OPCML: variants seen among roughly 807,000 people sequenced by gnomAD.
OPCML encodes opioid-binding protein/cell adhesion molecule.
Under a neutral mutation model 37.8 loss-of-function variants are expected in OPCML, and 13 were observed. That is an observed-to-expected ratio of 0.34 (90% CI 0.22 to 0.55). The LOEUF (loss-of-function observed/expected upper bound fraction) is 0.55, where lower values mean the gene tolerates loss of function less well. OPCML is among the 20% of genes least tolerant of loss of function. OPCML has a pLI of 0.91. For synonymous variants in OPCML, 176 were observed against 168.8 expected (o/e 1.04, Z -0.33); for missense variants, 341 against 435.6 (o/e 0.78, Z 1.93).
At chr11:133,291,888 T>TGG (rs1447774710) in intron 1 of OPCML, among the ~76,000 whole-genome samples, 1 of 152,236 alleles carries the variant, frequency 6.6e-6, no homozygotes, top group Non-Finnish European at 1.5e-5. Context: ...CCAGGGCCTG[T>TGG]GGCCGGCTTG....
intron 1 of OPCML, among the ~76,000 whole-genome samples, chr11:133,454,679 C>G (rs192547259): frequency 6.6e-6 from 1 of 152,166 alleles, no homozygotes. Context: ...GGGAAATAAG[C>G]AAATTATTAG....
intron 1 of OPCML, among the ~76,000 whole-genome samples, chr11:132,970,960 C>A (rs776640062): frequency 1.6e-4 from 24 of 152,226 alleles, no homozygotes; most frequent in Admixed American, 9.8e-4. Context: ...GCATTGTTTT[C>A]CTGGTGTTCT....
intron 7 of OPCML, 99 bp downstream of exon 7, chr11:132,435,987 G>T: frequency 1.6e-6 from 2 of 1,265,928 alleles, no homozygotes; most frequent in Non-Finnish European, 2.2e-6. Flanking sequence ...GAGTAGGATG[G>T]ATGGACACAG....
chr11:133,009,988 G>A (rs1162847959), intron 1 of OPCML, among the ~76,000 whole-genome samples: 1 of 152,176 alleles, frequency 6.6e-6, no homozygotes, highest in African/African-American at 2.4e-5. Flanking sequence ...GTTATTTGAG[G>A]AACCCTTGAA....
intron 2 of OPCML, among the ~76,000 whole-genome samples, chr11:132,698,833 C>A (rs1943700503): frequency 6.6e-6 from 1 of 151,916 alleles, no homozygotes; most frequent in South Asian, 2.1e-4. Context: ...CAAGTTCATT[C>A]TTCTGCATGT....
intron 1 of OPCML, among the ~76,000 whole-genome samples, chr11:133,061,067 T>C (rs1169196727): frequency 6.6e-6 from 1 of 152,244 alleles, no homozygotes; most frequent in Non-Finnish European, 1.5e-5. Flanking sequence ...AGTGTCCCTA[T>C]GTTGCTCAGG....
intron 2 of OPCML, among the ~76,000 whole-genome samples, chr11:132,815,864 C>A (rs1010400438): frequency 6.6e-6 from 1 of 152,202 alleles, no homozygotes; most frequent in African/African-American, 2.4e-5. Context: ...AAGAATGCAA[C>A]AGACACAGAT....
At chr11:133,196,040 A>G (rs1318167377) in intron 1 of OPCML, among the ~76,000 whole-genome samples, 1 of 152,222 alleles carries the variant, frequency 6.6e-6, no homozygotes, top group African/African-American at 2.4e-5. Flanking sequence ...CCTTTGCAAG[A>G]AACTTTAGTT....
At chr11:132,731,271 C>T (rs2136009985) in intron 2 of OPCML, among the ~76,000 whole-genome samples, 1 of 152,282 alleles carries the variant, frequency 6.6e-6, no homozygotes. Context: ...CCAAGAAAGT[C>T]AGGACAATGA....
At chr11:132,780,539 G>A (rs1427082193) in intron 2 of OPCML, among the ~76,000 whole-genome samples, 1 of 152,198 alleles carries the variant, frequency 6.6e-6, no homozygotes, top group Non-Finnish European at 1.5e-5. Context: ...GCAGATGGCA[G>A]GAAAGATACC....
chr11:133,331,348 C>T (rs1943615383), intron 1 of OPCML, among the ~76,000 whole-genome samples: 1 of 152,156 alleles, frequency 6.6e-6, no homozygotes, highest in Admixed American at 6.5e-5. Context: ...ATCAATCATG[C>T]AATGTAGGCT....
intron 1 of OPCML, among the ~76,000 whole-genome samples, chr11:133,445,504 C>T (rs557267763): frequency 1.7e-3 from 253 of 152,268 alleles, no homozygotes; most frequent in Middle Eastern, 3.4e-3. Context: ...ACCCAGGCAA[C>T]GTGTTTCCTG....
intron 3 of OPCML, among the ~76,000 whole-genome samples, chr11:132,594,320 G>C (rs10791237): frequency 0.45 from 68,982 of 151,918 alleles, 15,987 homozygotes; most frequent in Non-Finnish European, 0.5. Context: ...ATAATAACAT[G>C]CAGTCCTGGA....
At chr11:133,276,163 C>A (rs1941987918) in intron 1 of OPCML, among the ~76,000 whole-genome samples, 2 of 152,036 alleles carry the variant, frequency 1.3e-5, no homozygotes, top group African/African-American at 4.8e-5. Context: ...TTATTAGTGG[C>A]AAAGAGGGAA....
intron 2 of OPCML, among the ~76,000 whole-genome samples, chr11:132,700,866 C>T (rs114164581): frequency 0.011 from 1,729 of 152,170 alleles, 24 homozygotes; most frequent in African/African-American, 0.038. Context: ...ATCTATCTAT[C>T]GTTGAAAATA....
chr11:132,928,063 A>G (rs550598739), intron 2 of OPCML, among the ~76,000 whole-genome samples: 1 of 152,112 alleles, frequency 6.6e-6, no homozygotes, highest in South Asian at 2.1e-4. Flanking sequence ...AATGAGGGAC[A>G]AAAAAACTAT....
intron 2 of OPCML, among the ~76,000 whole-genome samples, chr11:132,704,099 A>G (rs1943940112): frequency 6.6e-6 from 1 of 152,140 alleles, no homozygotes; most frequent in African/African-American, 2.4e-5. Context: ...TTGAAGCCAC[A>G]TGGACTAGTG....
chr11:133,410,650 A>G (rs1945630206), intron 1 of OPCML, among the ~76,000 whole-genome samples: 3 of 90,434 alleles, frequency 3.3e-5, no homozygotes, highest in African/African-American at 9.8e-5. Context: ...AAAAAAAAAA[A>G]AAAAAAAAAA....
intron 1 of OPCML, among the ~76,000 whole-genome samples, chr11:133,463,430 A>G (rs1425220443): frequency 6.6e-6 from 1 of 152,182 alleles, no homozygotes; most frequent in Non-Finnish European, 1.5e-5. Context: ...ACAATTAAAA[A>G]TGGTTATTTT....
Sources: gnomAD v4.1 joint callset for allele counts (sites outside exome capture counted in the v4.1 genomes callset) on GRCh38, gnomAD v4.1.1 for gene constraint, MANE v1.5 for transcripts, NCBI Gene and HGNC (gene_info 2026-07-23, HGNC 2026-07-21) for gene names.